Variants in TPMT observed in about 807,000 individuals in gnomAD.
TPMT encodes thiopurine S-methyltransferase.
Under a neutral mutation model 34.2 loss-of-function variants are expected in TPMT, and 18 were observed. The observed-to-expected ratio is 0.53, with a 90% CI of 0.36 to 0.78. TPMT has a LOEUF of 0.78. TPMT is among the 30% of genes least tolerant of loss of function. The probability of loss-of-function intolerance (pLI) is 0.00; values close to 1 mark genes in which losing one functional copy is unlikely to be tolerated. For synonymous variants in TPMT, 69 were observed against 92.4 expected, an observed-to-expected ratio of 0.75 and a Z score of 1.45; for missense variants, 265 against 288.1, an observed-to-expected ratio of 0.92 and a Z score of 0.58.
In TPMT at chr6:18,131,101, G is replaced by A. The variant is rs1280375206; in HGVS notation, c.626-321C>T. On this transcript the variant is annotated intron_variant, in intron 8 of 8. Transcript: ENST00000309983. The surrounding 1 kb of genome is among the most constrained non-coding windows in gnomAD (Gnocchi z 4.3). ...TGCAGTGAGCTGAGATTGCACCATC[G>A]CGCTCTAGCCTAGGCAACAAGAGCG... Among the ~76,000 whole-genome samples, 3 of 152,178 alleles carry A rather than the reference G, an allele frequency of 2.0e-5. No homozygotes were observed. Among genetic ancestry groups the A allele is most frequent in the African/African-American group, 7.2e-5 (3 of 41,452 alleles).
Position 18,132,277 on chromosome 6 carries a change from GTTC to G in TPMT, c.581-103_581-101del. On this transcript the variant is annotated intron_variant, in intron 7 of 8. Coordinates refer to ENST00000309983, the MANE Select transcript of TPMT (RefSeq NM_000367.5). The surrounding 1 kb of genome is among the most constrained non-coding windows in gnomAD (Gnocchi z 4.8). ...ATCCAAATAGGTGATGATGTGGCATGTTCTTCTCATTCTTCTTTTGCAAATCTC... is the reference window on the plus strand; with the variant it reads ...ATCCAAATAGGTGATGATGTGGCATGTTCTCATTCTTCTTTTGCAAATCTC... 1 of 1,145,114 alleles carries G rather than the reference GTTC, an allele frequency of 8.7e-7. No homozygotes were observed. The highest frequency in any genetic ancestry group is 1.3e-6 in the Non-Finnish European group (1 of 772,704). 70.9% of individuals were successfully genotyped at this position (1,145,114 alleles called of 1,614,324 possible). A position where few individuals can be genotyped will look rare whatever the true frequency, so the allele number is the denominator to read the frequency against.
At position 18,138,819 on chromosome 6, in the gene TPMT, G is replaced by C. The variant is rs1191531918; in HGVS notation, c.494+144C>G. 1.4e-6 allele frequency: 1 copy of C among 700,742 alleles called. No homozygotes were observed. The highest frequency in any genetic ancestry group is 2.7e-5 in the East Asian group (1 of 37,082). 43.4% of individuals were successfully genotyped at this position (700,742 alleles called of 1,614,324 possible). On this transcript the variant is annotated intron_variant, in intron 6 of 8. Coordinates refer to ENST00000309983, the MANE Select transcript of TPMT (RefSeq NM_000367.5). This position sits in a 1 kb window ranked among gnomAD's most constrained non-coding sequence, Gnocchi z 4.1. The stretch of plus-strand genomic sequence containing the variant: ...ATCCTATACTTTTTAGACAAAGCTA[G>C]TATTGGATTTAGGTTTTTATAAATT...
chr6:18,143,245 G>T lies in TPMT; in HGVS notation c.366+351C>A, dbSNP rs1489863144. On this transcript the variant is annotated intron_variant, in intron 4 of 8. Transcript: ENST00000309983. The surrounding 1 kb of genome is among the most constrained non-coding windows in gnomAD (Gnocchi z 6.1). Reference sequence around the variant, plus strand: ...CTCCTAAACTAAGAGATTCTTTAGGGGTGGGAGTGAGGGGGGTGTGCTGTG... The same window carrying T: ...CTCCTAAACTAAGAGATTCTTTAGGTGTGGGAGTGAGGGGGGTGTGCTGTG... Among the ~76,000 whole-genome samples the T allele has an allele frequency of 6.6e-6, 1 of 152,264 alleles. No individual in the cohort carries two copies. The highest frequency in any genetic ancestry group is 6.5e-5 in the Admixed American group (1 of 15,290).
intron 1 of TPMT, among the ~76,000 whole-genome samples, chr6:18,151,268 C>G (rs1412033704): frequency 6.8e-6 from 1 of 147,724 alleles, no homozygotes; most frequent in Non-Finnish European, 1.5e-5. Flanking sequence ...GAGTTTGAGA[C>G]TAGCTTGGGC....
chr6:18,141,983 G>A (rs1419853659), intron 4 of TPMT, among the ~76,000 whole-genome samples: 2 of 152,136 alleles, frequency 1.3e-5, no homozygotes, highest in African/African-American at 4.8e-5. Flanking sequence ...GCGAAGGGAA[G>A]AGTTCATTTG....
Position 18,146,348 on chromosome 6 carries a change from C to A in TPMT, c.233+1475G>T, listed in dbSNP as rs192993621. On this transcript the variant is annotated intron_variant, in intron 3 of 8. Coordinates refer to ENST00000309983, the MANE Select transcript of TPMT (RefSeq NM_000367.5). This position sits in a 1 kb window ranked among gnomAD's most constrained non-coding sequence, Gnocchi z 6.2. ...TCAGGTAGTTGGGATTACAAGCGTACGCTGCCATGCCTGGCTAATTTTTGT... is the reference window on the plus strand; with the variant it reads ...TCAGGTAGTTGGGATTACAAGCGTAAGCTGCCATGCCTGGCTAATTTTTGT... 6.6e-6 allele frequency among the ~76,000 whole-genome samples: 1 copy of A among 152,000 alleles called. No individual in the cohort carries two copies. The highest frequency in any genetic ancestry group is 1.5e-5 in the Non-Finnish European group (1 of 68,006).
intron 7 of TPMT, 87 bp downstream of exon 7, chr6:18,133,717 A>G (rs969202961): frequency 3.0e-6 from 3 of 1,013,558 alleles, no homozygotes; most frequent in Admixed American, 4.6e-5. Context: ...ATAAATTAGG[A>G]GAAAATAATT....
At position 18,135,762 on chromosome 6, in the gene TPMT, T is replaced by A. The variant is rs9465102; in HGVS notation, c.495-1873A>T. On this transcript the variant is annotated intron_variant, in intron 6 of 8. Coordinates refer to ENST00000309983, the MANE Select transcript of TPMT (RefSeq NM_000367.5). The surrounding 1 kb of genome is among the most constrained non-coding windows in gnomAD (Gnocchi z 5.0). ...GGCGCTACTGTAATCCCAGCTACTC[T>A]GGAGGCTGAGGCAGGAGAATCACTT... is the stretch of plus-strand genomic sequence containing the variant. Among the ~76,000 whole-genome samples the A allele has an allele frequency of 6.6e-6, 1 of 151,698 alleles. No homozygotes were observed. Among genetic ancestry groups the A allele is most frequent in the Non-Finnish European group, 1.5e-5 (1 of 67,934 alleles).
In TPMT at chr6:18,146,492, T is replaced by A. The variant is rs1784250213; in HGVS notation, c.233+1331A>T. 6.6e-6 allele frequency among the ~76,000 whole-genome samples: 1 copy of A among 152,100 alleles called. No homozygotes were observed. The highest frequency in any genetic ancestry group is 1.5e-5 in the Non-Finnish European group (1 of 68,012). ...CACCGCACCTGGCCAGTTCTGATAT[T>A]TTTTGTAATGTCTTTATTACAAATG... On this transcript the variant is annotated intron_variant, in intron 3 of 8. Transcript: ENST00000309983. This position sits in a 1 kb window ranked among gnomAD's most constrained non-coding sequence, Gnocchi z 6.2.
At chr6:18,151,170 T>A (rs563521070) in intron 1 of TPMT, among the ~76,000 whole-genome samples, 1 of 150,088 alleles carries the variant, frequency 6.7e-6, no homozygotes, top group East Asian at 1.9e-4. Flanking sequence ...TCTCATTTTT[T>A]TAACTTCTTC....
rs1404779798 is a variant in TPMT, at chr6:18,150,604, AT to A, written c.-44-1434del. Among the ~76,000 whole-genome samples, 1 of 151,580 alleles carries A rather than the reference AT, an allele frequency of 6.6e-6. No homozygotes were observed. The highest frequency in any genetic ancestry group is 1.9e-4 in the East Asian group (1 of 5,188). ...ATGTCTTCCTCTTTTTTTTGTTGTT[AT>A]TTTTTAGTGACCACGCTTATATTGG... On this transcript the variant is annotated intron_variant, in intron 1 of 8. Coordinates refer to ENST00000309983, the MANE Select transcript of TPMT (RefSeq NM_000367.5). This position sits in a 1 kb window ranked among gnomAD's most constrained non-coding sequence, Gnocchi z 5.3.
rs995946287 is a variant in TPMT at position 18,146,933 on chromosome 6, A to G, written c.233+890T>C. On this transcript the variant is annotated intron_variant, in intron 3 of 8. Transcript: ENST00000309983. The surrounding 1 kb of genome is among the most constrained non-coding windows in gnomAD (Gnocchi z 6.2). ...TTCAGAATAGACCATTTTTTAGGTTATTATATTTTACATTTATTAATATTT... is the reference window on the plus strand; with the variant it reads ...TTCAGAATAGACCATTTTTTAGGTTGTTATATTTTACATTTATTAATATTT... Among the ~76,000 whole-genome samples, 1 of 152,114 alleles carries G rather than the reference A, an allele frequency of 6.6e-6. No homozygotes were observed. Among genetic ancestry groups the G allele is most frequent in the Non-Finnish European group, 1.5e-5 (1 of 68,026 alleles).
At position 18,139,328 on chromosome 6, in the gene TPMT, T is replaced by A. The variant is rs1162416415; in HGVS notation, c.420-291A>T. Among the ~76,000 whole-genome samples the A allele has an allele frequency of 6.6e-6, 1 of 152,200 alleles. No individual in the cohort carries two copies. The highest frequency in any genetic ancestry group is 1.5e-5 in the Non-Finnish European group (1 of 68,034). On this transcript the variant is annotated intron_variant, in intron 5 of 8. Coordinates refer to ENST00000309983, the MANE Select transcript of TPMT (RefSeq NM_000367.5). The surrounding 1 kb of genome is among the most constrained non-coding windows in gnomAD (Gnocchi z 4.2). ...CTGCCCCCAGCCTCTGGCTCAGGTA[T>A]CAGGGACTTTCAGGAGATGAGCTCT...
chr6:18,151,037 C>T (rs534954449), intron 1 of TPMT, among the ~76,000 whole-genome samples: 65 of 152,250 alleles, frequency 4.3e-4, no homozygotes, highest in African/African-American at 1.5e-3. Flanking sequence ...TTTTATTTCT[C>T]CTTCTGGGAC....
chr6:18,151,716 TAA>T (rs1784358126), intron 1 of TPMT, among the ~76,000 whole-genome samples: 1 of 151,912 alleles, frequency 6.6e-6, no homozygotes, highest in Non-Finnish European at 1.5e-5. Flanking sequence ...CCTCAGCCTT[TAA>T]AGTATCTGGG....
intron 3 of TPMT, among the ~76,000 whole-genome samples, 154 bp downstream of exon 3, chr6:18,147,668 AT>A (rs1784273130): frequency 1.3e-5 from 2 of 152,182 alleles, no homozygotes; most frequent in Admixed American, 6.5e-5. Context: ...CTGTTTGAGA[AT>A]ATTATTTCCA....
chr6:18,139,068 A>T lies in TPMT; in HGVS notation c.420-31T>A, dbSNP rs1265752246. The stretch of plus-strand genomic sequence containing the variant: ...AGAAAGAGAAAAAACATTTTATGGG[A>T]GAAAAATCAAATCTTTAAGAAGATG... On this transcript the variant is annotated intron_variant, in intron 5 of 8. Coordinates refer to ENST00000309983, the MANE Select transcript of TPMT (RefSeq NM_000367.5). This position sits in a 1 kb window ranked among gnomAD's most constrained non-coding sequence, Gnocchi z 4.2. 1 of 1,587,622 alleles carries T rather than the reference A, an allele frequency of 6.3e-7. No homozygotes were observed.
rs988433844 is a variant in TPMT at position 18,150,768 on chromosome 6, G to A, written c.-44-1597C>T. Among the ~76,000 whole-genome samples, 7 of 152,166 alleles carry A rather than the reference G, an allele frequency of 4.6e-5. No homozygotes were observed. The highest frequency in any genetic ancestry group is 1.7e-4 in the African/African-American group (7 of 41,444). Reference sequence around the variant, plus strand: ...CTGCTGGGTATCAAATTCTTGGTTAGAAGTGTGGGGGCCATAGGGGGTTGG... The same window carrying A: ...CTGCTGGGTATCAAATTCTTGGTTAAAAGTGTGGGGGCCATAGGGGGTTGG... On this transcript the variant is annotated intron_variant, in intron 1 of 8. Coordinates refer to ENST00000309983, the MANE Select transcript of TPMT (RefSeq NM_000367.5). The surrounding 1 kb of genome is among the most constrained non-coding windows in gnomAD (Gnocchi z 5.3).
intron 1 of TPMT, among the ~76,000 whole-genome samples, chr6:18,151,447 T>A (rs1399589303): frequency 6.6e-6 from 1 of 151,722 alleles, no homozygotes; most frequent in Non-Finnish European, 1.5e-5. Flanking sequence ...CAGCCTGGGC[T>A]ACAGATCAAG....
Sources: gnomAD v4.1 joint callset for allele counts (sites outside exome capture counted in the v4.1 genomes callset) on GRCh38, gnomAD v4.1.1 for gene constraint, Gnocchi (gnomAD v3.1) non-coding constraint, MANE v1.5 for transcripts, NCBI Gene and HGNC (gene_info 2026-07-23, HGNC 2026-07-21) for gene names.